PPA2: variants seen among roughly 807,000 people sequenced by gnomAD.
PPA2 encodes the protein inorganic pyrophosphatase 2.
Under a neutral mutation model 49.5 loss-of-function variants are expected in PPA2, and 48 were observed. The ratio of observed to expected loss-of-function variants is 0.97; its 90% confidence interval spans 0.77 to 1.23. The LOEUF (loss-of-function observed/expected upper bound fraction) is 1.23. Ranked by LOEUF, PPA2 falls within the 50% of genes most tolerant of loss-of-function variation. The pLI, the probability that PPA2 is intolerant of heterozygous loss-of-function variation, is 0.00. For missense variants in PPA2, 429 were observed against 410.1 expected, an observed-to-expected ratio of 1.05 and a Z score of -0.40; for synonymous variants, 131 against 139.9, an observed-to-expected ratio of 0.94 and a Z score of 0.45.
intron 7 of PPA2, among the ~76,000 whole-genome samples, chr4:105,413,575 A>G (rs574352911): frequency 6.6e-6 from 1 of 152,338 alleles, no homozygotes; most frequent in South Asian, 2.1e-4. Context: ...CATAATTAAA[A>G]TAACATGATG....
intron 10 of PPA2, among the ~76,000 whole-genome samples, chr4:105,383,336 T>C (rs1467300602): frequency 7.9e-5 from 12 of 152,360 alleles, no homozygotes; most frequent in Admixed American, 7.8e-4. Context: ...AGATATTTTC[T>C]ATTTTGTTTC....
intron 1 of PPA2, among the ~76,000 whole-genome samples, chr4:105,472,446 T>TA (rs1723561632): frequency 6.6e-6 from 1 of 152,244 alleles, no homozygotes; most frequent in African/African-American, 2.4e-5. Context: ...GGGTATCTAT[T>TA]AATTACCGTA....
At chr4:105,389,446 T>TA (rs370183473) in intron 9 of PPA2, among the ~76,000 whole-genome samples, 1,662 of 130,294 alleles carry the variant, frequency 0.013, 13 homozygotes, top group Middle Eastern at 0.023. Flanking sequence ...AAACGAAACT[T>TA]AAAAAAAAAA....
At position 105,453,597 on chromosome 4, in the gene PPA2, C is replaced by T; in HGVS notation, c.267+1G>A. On this transcript the variant is annotated splice_donor_variant, in intron 3 of 11. Coordinates refer to ENST00000341695, the MANE Select transcript of PPA2 (RefSeq NM_176869.3). LOFTEE classifies it high-confidence loss of function. ...ACAAAAATAAAAACCTTTGGATATACCTCATATTCATCATTTCGTGCTTTC... is the reference window on the plus strand; with the variant it reads ...ACAAAAATAAAAACCTTTGGATATATCTCATATTCATCATTTCGTGCTTTC... The T allele has an allele frequency of 1.2e-6, 2 of 1,600,370 alleles. No individual in the cohort carries two copies. The highest frequency in any genetic ancestry group is 1.7e-4 in the Middle Eastern group (1 of 6,014).
intron 1 of PPA2, among the ~76,000 whole-genome samples, chr4:105,472,429 A>G (rs1240463894): frequency 6.6e-6 from 1 of 152,198 alleles, no homozygotes; most frequent in Non-Finnish European, 1.5e-5. Context: ...ATAAATATTT[A>G]TTATTTGGGT....
intron 10 of PPA2, among the ~76,000 whole-genome samples, chr4:105,383,031 T>C (rs528316440): frequency 1.3e-5 from 2 of 152,058 alleles, no homozygotes; most frequent in African/African-American, 2.4e-5. Flanking sequence ...AATTGAGTGG[T>C]CCTGCAGTTG....
intron 1 of PPA2, among the ~76,000 whole-genome samples, chr4:105,458,817 C>CA (rs1722968512): frequency 1.5e-5 from 1 of 66,414 alleles, no homozygotes; most frequent in Non-Finnish European, 2.6e-5. Context: ...GACTCCACCT[C>CA]CAAAAAAAAA....
intron 10 of PPA2, among the ~76,000 whole-genome samples, chr4:105,376,304 G>A (rs1733247650): frequency 6.6e-6 from 1 of 152,184 alleles, no homozygotes; most frequent in African/African-American, 2.4e-5. Context: ...TCAACTATAA[G>A]ACAACCATCC....
chr4:105,446,287 G>A, intron 5 of PPA2, 96 bp downstream of exon 5: 1 of 1,268,730 alleles, frequency 7.9e-7, no homozygotes, highest in Admixed American at 2.7e-5. Flanking sequence ...CAAATGACAT[G>A]TCCTCAGAAC....
intron 9 of PPA2, among the ~76,000 whole-genome samples, chr4:105,394,373 C>CAAAAAAAAAAAAAAAAAAAAAAA (rs34736301): frequency 3.1e-5 from 3 of 96,896 alleles, no homozygotes; most frequent in Non-Finnish European, 5.9e-5. Context: ...GATTCCATTT[C>CAAAAAAAAAAAAAAAAAAAAAAA]AAAAAAAAAA....
At chr4:105,444,318 A>G (rs186898570) in intron 5 of PPA2, among the ~76,000 whole-genome samples, 1 of 152,320 alleles carries the variant, frequency 6.6e-6, no homozygotes, top group East Asian at 1.9e-4. Flanking sequence ...CACAGGGTTG[A>G]GTAGCAATGT....
chr4:105,415,093 A>G (rs1722944762), intron 7 of PPA2, among the ~76,000 whole-genome samples: 1 of 152,148 alleles, frequency 6.6e-6, no homozygotes, highest in Non-Finnish European at 1.5e-5. Context: ...TGATTGGCCC[A>G]TGGGCAGCCA....
At chr4:105,420,977 A>G (rs1239257413) in intron 7 of PPA2, among the ~76,000 whole-genome samples, 1 of 152,244 alleles carries the variant, frequency 6.6e-6, no homozygotes. Context: ...TATACTTAAC[A>G]TAATTTAAAC....
intron 2 of PPA2, among the ~76,000 whole-genome samples, chr4:105,454,299 CTGCTGT>C (rs1049850299): frequency 7.9e-5 from 8 of 101,464 alleles, no homozygotes; most frequent in African/African-American, 3.7e-4. Context: ...GTTTTTGCTG[CTGCTGT>C]TGTTGTTGTT....
intron 7 of PPA2, among the ~76,000 whole-genome samples, chr4:105,415,698 C>T (rs2636732): frequency 0.62 from 94,526 of 152,006 alleles, 29,404 homozygotes; most frequent in East Asian, 0.68. Flanking sequence ...CTCCTGTAGC[C>T]CGGTGGAGTG....
At chr4:105,374,880 C>G (rs1371778531) in intron 10 of PPA2, among the ~76,000 whole-genome samples, 1 of 138,688 alleles carries the variant, frequency 7.2e-6, no homozygotes, top group Non-Finnish European at 1.5e-5. Context: ...TTTTTAGAGA[C>G]GGGGTTTTAC....
At chr4:105,396,201 A>T in intron 9 of PPA2, 48 bp downstream of exon 9, 1 of 1,188,640 alleles carries the variant, frequency 8.4e-7, no homozygotes, top group Non-Finnish European at 1.2e-6. Context: ...GTGGCTGTTT[A>T]ATACCAATTA....
intron 1 of PPA2, among the ~76,000 whole-genome samples, chr4:105,458,308 GAGTTT>G (rs1722948019): frequency 6.6e-6 from 1 of 152,100 alleles, no homozygotes; most frequent in South Asian, 2.1e-4. Flanking sequence ...ATAAAATCTG[GAGTTT>G]AGTTAAGGGC....
intron 7 of PPA2, chr4:105,405,652 CAG>C: frequency 9.9e-7 from 1 of 1,012,832 alleles, no homozygotes; most frequent in South Asian, 3.6e-5. Context: ...TCGGAAAAAA[CAG>C]AGACCTTTTG....
Sources: gnomAD v4.1 joint callset for allele counts (sites outside exome capture counted in the v4.1 genomes callset) on GRCh38, gnomAD v4.1.1 for gene constraint, MANE v1.5 for transcripts, NCBI Gene and HGNC (gene_info 2026-07-23, HGNC 2026-07-21) for gene names.